The following PLEKHG5 variants were observed in gnomAD, a reference collection of about 807,000 sequenced individuals.
PLEKHG5 encodes the protein pleckstrin homology and RhoGEF domain containing G5.
A neutral mutation model predicts 103.8 loss-of-function variants in PLEKHG5; 52 were observed. That is an observed-to-expected ratio of 0.50 (90% CI 0.40 to 0.63). The LOEUF is 0.63. Ranked by LOEUF, PLEKHG5 falls within the 30% of genes least tolerant of loss-of-function variation. PLEKHG5 has a pLI of 0.00. For missense variants in PLEKHG5, 1,205 were observed against 1,347.6 expected (o/e 0.89, Z 1.66); for synonymous variants, 592 against 575.5 (o/e 1.03, Z -0.41).
chr1:6,478,130 C>G (rs1490850908), intron 1 of PLEKHG5, among the ~76,000 whole-genome samples: 1 of 152,104 alleles, frequency 6.6e-6, no homozygotes, highest in East Asian at 1.9e-4. Context: ...GTGAACAGCC[C>G]GCCTGGGCCT....
In PLEKHG5 at chr1:6,475,030, G is replaced by A; in HGVS notation, c.302+17C>T. 1 of 1,482,672 alleles carries A rather than the reference G, an allele frequency of 6.7e-7. No individual in the cohort carries two copies. The highest frequency in any genetic ancestry group is 9.4e-7 in the Non-Finnish European group (1 of 1,060,052). 91.8% of individuals were successfully genotyped at this position (1,482,672 alleles called of 1,614,324 possible). A position where few individuals can be genotyped will look rare whatever the true frequency, so the allele number is the denominator to read the frequency against. ...ACTCCCAGTCCCACTTCCACCCTGA[G>A]CCCCATCAAGCCCTACCCCAGTGAC... On this transcript the variant is annotated intron_variant, in intron 5 of 20. Transcript: ENST00000377728.
At chr1:6,496,854 G>T (rs538955061), upstream of PLEKHG5, 4 of 699,792 alleles carry the variant, frequency 5.7e-6, no homozygotes, top group African/African-American at 1.9e-5. Context: ...GGGGACAAGT[G>T]GGGGAGCGCT....
chr1:6,510,917 C>T (rs557709942), intron 1 of PLEKHG5, among the ~76,000 whole-genome samples: 1 of 152,196 alleles, frequency 6.6e-6, no homozygotes, highest in Non-Finnish European at 1.5e-5. Flanking sequence ...GATGACATCC[C>T]GTCTCTACTA....
At chr1:6,516,806 ATG>A (rs1478779946) in intron 1 of PLEKHG5, among the ~76,000 whole-genome samples, 2 of 145,404 alleles carry the variant, frequency 1.4e-5, no homozygotes, top group Non-Finnish European at 3.0e-5. Context: ...GTGTATATAT[ATG>A]TGTGTATATA....
At chr1:6,484,073 T>C (rs997953491) in intron 1 of PLEKHG5, among the ~76,000 whole-genome samples, 1 of 151,992 alleles carries the variant, frequency 6.6e-6, no homozygotes, top group Non-Finnish European at 1.5e-5. Flanking sequence ...TCTGGGAGGG[T>C]CTCTGGGACC....
chr1:6,467,725 C>G, intron 20 of PLEKHG5, 100 bp downstream of exon 20: 1 of 1,520,462 alleles, frequency 6.6e-7, no homozygotes, highest in Non-Finnish European at 9.1e-7. Flanking sequence ...TTCAGGCTCC[C>G]TCCGCCATGA....
intron 2 of PLEKHG5, 133 bp downstream of exon 2, chr1:6,477,396 G>A (rs1644788971): frequency 1.1e-6 from 1 of 951,360 alleles, no homozygotes; most frequent in East Asian, 2.4e-5. Context: ...GGAACAAAAG[G>A]AACCGTAACA....
In PLEKHG5 at chr1:6,487,044, T is replaced by C. The variant is rs1279500984; in HGVS notation, c.-88+4593A>G. ...GCGTTTTATTAGAGGCTGGGAGACT[T>C]CCAGGGCTGTCTCCACTCCCAAAGC... On this transcript the variant is annotated intron_variant, in intron 1 of 20. Transcript: ENST00000377728. The surrounding 1 kb of genome is among the most constrained non-coding windows in gnomAD (Gnocchi z 4.1). Among the ~76,000 whole-genome samples, 1 of 152,170 alleles carries C rather than the reference T, an allele frequency of 6.6e-6. No homozygotes were observed. The highest frequency in any genetic ancestry group is 1.5e-5 in the Non-Finnish European group (1 of 68,030).
rs1644488321 is a variant in PLEKHG5, at chr1:6,469,139, C to T, written c.2152G>A (p.Glu718Lys). ...TCCTCGCCTTCCTCCTCCTCCTCCTCCTCCTCCTCTTCCTCCTCCTGCTCA... is the reference window on the plus strand; with the variant it reads ...TCCTCGCCTTCCTCCTCCTCCTCCTTCTCCTCCTCTTCCTCCTCCTGCTCA... Reference protein sequence around the residue: ...EDEQEEEEEEEEEEEEGEDSG... With the variant: ...EDEQEEEEEEKEEEEEGEDSG... Residue 718 changes from glutamate to lysine, a missense_variant, in exon 19 of 21, where the codon GAG (glutamate) becomes AAG (lysine). Glu to Lys is a moderately conservative substitution (Grantham distance 56, BLOSUM62 1). Transcript: ENST00000377728. The T allele has an allele frequency of 6.2e-7, 1 of 1,612,646 alleles. No homozygotes were observed. The highest frequency in any genetic ancestry group is 8.5e-7 in the Non-Finnish European group (1 of 1,179,538).
intron 1 of PLEKHG5, among the ~76,000 whole-genome samples, chr1:6,504,572 C>CTT (rs200327321): frequency 2.2e-5 from 3 of 136,494 alleles, no homozygotes; most frequent in Admixed American, 7.2e-5. Context: ...CTTTTTTTTT[C>CTT]TTTTTTTTTT....
chr1:6,517,603 G>T lies in PLEKHG5; in HGVS notation c.-165+1842C>A, dbSNP rs12040536. ...ACTAGCAGGGGATGAGCTTGTGGGGGTGAGCAAAGGAAGAAAAAGTCAGCA... is the reference window on the plus strand; with the variant it reads ...ACTAGCAGGGGATGAGCTTGTGGGGTTGAGCAAAGGAAGAAAAAGTCAGCA... On this transcript the variant is annotated intron_variant, in intron 1 of 21. Coordinates refer to the PLEKHG5 transcript ENST00000377740. 3.0e-3 allele frequency among the ~76,000 whole-genome samples: 458 copies of T among 152,320 alleles called. 6 individuals carry two copies. The East Asian group carries it at 0.036, about 12-fold the overall frequency.
intron 1 of PLEKHG5, among the ~76,000 whole-genome samples, chr1:6,479,624 TTTC>T (rs372004881): frequency 2.2e-4 from 33 of 151,600 alleles, no homozygotes; most frequent in African/African-American, 6.3e-4. Flanking sequence ...ACTTTTTTTT[TTTC>T]TTCAAGACAG....
chr1:6,490,451 A>G lies in PLEKHG5; in HGVS notation c.-88+1186T>C. On this transcript the variant is annotated intron_variant, in intron 1 of 20. Transcript: ENST00000377728. The surrounding 1 kb of genome is among the most constrained non-coding windows in gnomAD (Gnocchi z 8.0). ...CCACTTCCCCGCGACTCACCTAGGAACAGGACCAGGGTCTCCTCCCCGGTG... is the reference window on the plus strand; with the variant it reads ...CCACTTCCCCGCGACTCACCTAGGAGCAGGACCAGGGTCTCCTCCCCGGTG... The G allele has an allele frequency of 1.0e-6, 1 of 983,624 alleles. No individual in the cohort carries two copies. The highest frequency in any genetic ancestry group is 1.2e-6 in the Non-Finnish European group (1 of 829,938). The allele number at this position is 983,624 out of a possible 1,614,324, so 60.9% of individuals were successfully genotyped here. A position where few individuals can be genotyped will look rare whatever the true frequency, so the allele number is the denominator to read the frequency against.
chr1:6,519,474 C>T (rs777401260), exon 1 of PLEKHG5: 15 of 1,613,866 alleles, frequency 9.3e-6, no homozygotes, highest in South Asian at 8.8e-5. Flanking sequence ...GAGCCAGCTT[C>T]GAGGTGGAGA....
At chr1:6,485,390 C>T (rs1045627422) in intron 1 of PLEKHG5, 4 of 1,393,842 alleles carry the variant, frequency 2.9e-6, no homozygotes, top group Middle Eastern at 2.4e-4. Flanking sequence ...GGGGCAGCCC[C>T]GGGCCCGGCC....
Position 6,468,382 on chromosome 1 carries a change from G to C in PLEKHG5, c.2454C>G (p.Ala818=), listed in dbSNP as rs772616843. ...VDGRSCSMDS[A]YGTLSPTSLQ... ...AGGAGGTTGGGGAGAGGGTGCCGTAGGCAGAGTCCATGGAGCAGGAGCGGC... is the reference window on the plus strand; with the variant it reads ...AGGAGGTTGGGGAGAGGGTGCCGTACGCAGAGTCCATGGAGCAGGAGCGGC... Residue 818 remains alanine, a synonymous_variant, in exon 20 of 21, where the codon GCC becomes GCG. Coordinates refer to ENST00000377728, the MANE Select transcript of PLEKHG5 (RefSeq NM_020631.6). 20 of 1,610,430 alleles carry C rather than the reference G, an allele frequency of 1.2e-5. No individual in the cohort carries two copies. The highest frequency in any genetic ancestry group is 1.4e-5 in the Non-Finnish European group (17 of 1,178,732).
intron 19 of PLEKHG5, 122 bp downstream of exon 19, chr1:6,468,920 G>A (rs1644478940): frequency 7.0e-6 from 6 of 863,220 alleles, no homozygotes; most frequent in South Asian, 2.8e-5. Flanking sequence ...ACAGAGCCCC[G>A]CTCCCACAGT....
intron 1 of PLEKHG5, among the ~76,000 whole-genome samples, chr1:6,481,636 A>G (rs957344109): frequency 1.3e-5 from 2 of 151,620 alleles, no homozygotes; most frequent in African/African-American, 2.4e-5. Context: ...AGGCTGAGGC[A>G]GGCGGATCAC....
At position 6,467,248 on chromosome 1, in the gene PLEKHG5, A is replaced by T; in HGVS notation, c.*315T>A. On this transcript the variant is annotated 3_prime_UTR_variant, in exon 21 of 21. Transcript: ENST00000377728. ...TGGGGGCAGGGCAGGAGTGAATCCC[A>T]CTGGAGGCCAGTGAGGGTAGAAGTA... 1 of 537,712 alleles carries T rather than the reference A, an allele frequency of 1.9e-6. No individual in the cohort carries two copies. The allele number at this position is 537,712 out of a possible 1,614,324, so 33.3% of individuals were successfully genotyped here.
Sources: gnomAD v4.1 joint callset for allele counts (sites outside exome capture counted in the v4.1 genomes callset) on GRCh38, gnomAD v4.1.1 for gene constraint, Gnocchi (gnomAD v3.1) non-coding constraint, MANE v1.5 for transcripts, NCBI Gene and HGNC (gene_info 2026-07-23, HGNC 2026-07-21) for gene names.